Variants in CDH13 observed in about 807,000 individuals in gnomAD.
CDH13 encodes the protein cadherin 13.
CDH13 carries 24 observed loss-of-function variants against 63.8 expected under a neutral mutation model. The observed-to-expected ratio is 0.38, with a 90% CI of 0.27 to 0.53. The LOEUF is 0.53. Ranked by LOEUF, CDH13 falls within the 20% of genes least tolerant of loss-of-function variation. The pLI, the probability that CDH13 is intolerant of heterozygous loss-of-function variation, is 0.85. For synonymous variants in CDH13, 503 were observed against 355.3 expected (o/e 1.42, Z -4.67); for missense variants, 1,049 against 903.1 (o/e 1.16, Z -2.07).
chr16:83,255,407 G>A (rs4597306), intron 5 of CDH13, among the ~76,000 whole-genome samples: 1 of 152,282 alleles, frequency 6.6e-6, no homozygotes, highest in South Asian at 2.1e-4. Flanking sequence ...CTTTCCCACA[G>A]ATAAAAGACT....
chr16:82,719,246 T>C (rs2032601630), intron 1 of CDH13: 2 of 362,062 alleles, frequency 5.5e-6, no homozygotes, highest in Non-Finnish European at 1.1e-5. Context: ...CTCACATCAC[T>C]GCCATTGGCC....
At position 82,977,078 on chromosome 16, in the gene CDH13, T is replaced by G. The variant is rs182222016; in HGVS notation, c.158-54932T>G. On this transcript the variant is annotated intron_variant, in intron 2 of 13. Transcript: ENST00000567109. ...ATAGAATTTTTAAAACAACTAAATA[T>G]ACCTCTGGAATACACTTTACAAATT... is the stretch of plus-strand genomic sequence containing the variant. 2.0e-3 allele frequency among the ~76,000 whole-genome samples: 309 copies of G among 152,304 alleles called. 3 individuals carry two copies. The highest frequency in any genetic ancestry group is 2.9e-3 in the Non-Finnish European group (200 of 68,032).
chr16:83,052,823 A>C (rs1462321325), intron 3 of CDH13, among the ~76,000 whole-genome samples: 1 of 151,416 alleles, frequency 6.6e-6, no homozygotes, highest in Admixed American at 6.6e-5. Flanking sequence ...TTAAACCTTA[A>C]ATAGCAAAAT....
intron 2 of CDH13, among the ~76,000 whole-genome samples, chr16:82,970,012 C>T (rs1009504643): frequency 8.6e-5 from 13 of 151,734 alleles, no homozygotes; most frequent in Admixed American, 7.2e-4. Flanking sequence ...TAGGTATACA[C>T]GTGCTATGGT....
At chr16:82,639,187 C>T (rs1378222069) in intron 1 of CDH13, among the ~76,000 whole-genome samples, 2 of 152,172 alleles carry the variant, frequency 1.3e-5, no homozygotes, top group Non-Finnish European at 2.9e-5. Flanking sequence ...TTGTTCTCTA[C>T]CTCCCTTAAA....
intron 5 of CDH13, among the ~76,000 whole-genome samples, chr16:83,243,036 G>C (rs1904621576): frequency 1.3e-5 from 2 of 152,160 alleles, no homozygotes; most frequent in African/African-American, 4.8e-5. Flanking sequence ...GGATTGACAG[G>C]TTAAGTAGCT....
chr16:83,584,674 A>G (rs142575337), intron 7 of CDH13, among the ~76,000 whole-genome samples: 2 of 152,214 alleles, frequency 1.3e-5, no homozygotes, highest in Admixed American at 6.5e-5. Flanking sequence ...ATGTAGTGTT[A>G]TGATGCTGAG....
chr16:82,643,567 A>G lies in CDH13; in HGVS notation c.45+16430A>G, dbSNP rs181552134. Among the ~76,000 whole-genome samples, 3 of 152,342 alleles carry G rather than the reference A, an allele frequency of 2.0e-5. No individual in the cohort carries two copies. In the East Asian group the frequency reaches 5.8e-4, roughly 29 times the overall value. On this transcript the variant is annotated intron_variant, in intron 1 of 13. Coordinates refer to ENST00000567109, the MANE Select transcript of CDH13 (RefSeq NM_001257.5). ...AGCAACCTGTGTTATTTGGAACTGC[A>G]GGTCACCTTGGCCTATTGGAAATAA...
chr16:82,962,800 C>G (rs144455559), intron 2 of CDH13, among the ~76,000 whole-genome samples: 1 of 152,058 alleles, frequency 6.6e-6, no homozygotes, highest in Non-Finnish European at 1.5e-5. Flanking sequence ...GAGCTTGATT[C>G]GCTGTGAAAA....
intron 7 of CDH13, among the ~76,000 whole-genome samples, chr16:83,503,171 C>T (rs1401921321): frequency 6.6e-6 from 1 of 152,198 alleles, no homozygotes; most frequent in Non-Finnish European, 1.5e-5. Flanking sequence ...GGCCTTGAAT[C>T]GCTCACGTAG....
chr16:82,730,775 C>G (rs2033359665), intron 1 of CDH13, among the ~76,000 whole-genome samples: 1 of 152,202 alleles, frequency 6.6e-6, no homozygotes, highest in African/African-American at 2.4e-5. Context: ...CACCTGATGT[C>G]TTTCAGTTGG....
chr16:82,811,350 A>T (rs1348275878), intron 1 of CDH13, among the ~76,000 whole-genome samples: 2 of 152,158 alleles, frequency 1.3e-5, no homozygotes, highest in Non-Finnish European at 2.9e-5. Flanking sequence ...GTATATACTT[A>T]TGTATTTAAT....
intron 11 of CDH13, among the ~76,000 whole-genome samples, chr16:83,752,999 G>T (rs1404126491): frequency 1.3e-5 from 2 of 152,178 alleles, no homozygotes; most frequent in Non-Finnish European, 2.9e-5. Flanking sequence ...TGGTACCACA[G>T]ATGTTTCCAG....
chr16:83,546,548 C>G (rs560646327), intron 7 of CDH13, among the ~76,000 whole-genome samples: 1 of 151,706 alleles, frequency 6.6e-6, no homozygotes, highest in African/African-American at 2.4e-5. Context: ...ATTTAAGTGC[C>G]AGATAACATC....
intron 1 of CDH13, among the ~76,000 whole-genome samples, chr16:82,813,255 G>T (rs958029612): frequency 2.0e-5 from 3 of 152,072 alleles, no homozygotes; most frequent in African/African-American, 7.2e-5. Flanking sequence ...AAAAAATAAG[G>T]GTGTCATCCT....
chr16:83,332,939 A>G (rs972285348), intron 5 of CDH13, among the ~76,000 whole-genome samples: 4 of 152,230 alleles, frequency 2.6e-5, no homozygotes, highest in East Asian at 1.9e-4. Flanking sequence ...TAAAATTTCA[A>G]ATTCATAAAG....
At chr16:82,763,514 G>A (rs533401372) in intron 1 of CDH13, among the ~76,000 whole-genome samples, 1 of 152,266 alleles carries the variant, frequency 6.6e-6, no homozygotes, top group African/African-American at 2.4e-5. Flanking sequence ...ATGGAGATGA[G>A]AGCCACTGGC....
At chr16:82,797,695 T>C (rs568623751) in intron 1 of CDH13, among the ~76,000 whole-genome samples, 1 of 152,224 alleles carries the variant, frequency 6.6e-6, no homozygotes, top group African/African-American at 2.4e-5. Flanking sequence ...TATTCAGTGC[T>C]TAAGGTATGT....
chr16:83,262,740 C>T (rs1423050720), intron 5 of CDH13, among the ~76,000 whole-genome samples: 1 of 152,160 alleles, frequency 6.6e-6, no homozygotes, highest in Non-Finnish European at 1.5e-5. Flanking sequence ...AATAAATGCA[C>T]TAGAATAACT....
Sources: allele counts gnomAD v4.1 joint callset (sites outside exome capture counted in the v4.1 genomes callset), GRCh38; gene constraint gnomAD v4.1.1; transcripts MANE v1.5; gene names NCBI Gene and HGNC (gene_info 2026-07-23, HGNC 2026-07-21).